CADM2: variants seen among roughly 807,000 people sequenced by gnomAD.
The protein encoded by CADM2 is cell adhesion molecule 2.
Under a neutral mutation model 49.8 loss-of-function variants are expected in CADM2, and 12 were observed. The ratio of observed to expected loss-of-function variants is 0.24; its 90% CI spans 0.15 to 0.39. CADM2 has a LOEUF of 0.39. CADM2 is among the 10% of genes least tolerant of loss of function. The probability of loss-of-function intolerance (pLI) is 1.00; values close to 1 mark genes in which losing one functional copy is unlikely to be tolerated. For missense variants in CADM2, 378 were observed against 492.3 expected, an observed-to-expected ratio of 0.77 and a Z score of 2.20; for synonymous variants, 214 against 175.4, an observed-to-expected ratio of 1.22 and a Z score of -1.74.
At chr3:85,285,824 A>G (rs981489764) in intron 1 of CADM2, among the ~76,000 whole-genome samples, 4 of 151,720 alleles carry the variant, frequency 2.6e-5, no homozygotes, top group African/African-American at 7.2e-5. Flanking sequence ...AGTATTAAAT[A>G]TTAAATATTT....
At chr3:85,136,072 A>G (rs2039407489) in intron 1 of CADM2, among the ~76,000 whole-genome samples, 1 of 152,040 alleles carries the variant, frequency 6.6e-6, no homozygotes, top group African/African-American at 2.4e-5. Context: ...TTTGGATAAC[A>G]GACTTCTAGA....
chr3:85,294,610 G>A (rs373589406), intron 1 of CADM2, among the ~76,000 whole-genome samples: 15,845 of 151,822 alleles, frequency 0.1, 965 homozygotes, highest in African/African-American at 0.17. Flanking sequence ...CAATGGAACA[G>A]AACAGAGCCC....
intron 1 of CADM2, among the ~76,000 whole-genome samples, chr3:85,123,135 C>T (rs2038921180): frequency 6.6e-6 from 1 of 152,016 alleles, no homozygotes; most frequent in African/African-American, 2.4e-5. Flanking sequence ...TTTTTCCTCC[C>T]ATGCTTTTTT....
intron 2 of CADM2, among the ~76,000 whole-genome samples, chr3:85,737,014 C>G (rs1385283110): frequency 1.3e-5 from 2 of 152,098 alleles, no homozygotes; most frequent in Non-Finnish European, 2.9e-5. Flanking sequence ...AATAAGTGCC[C>G]TTAAATATTT....
chr3:86,033,931 C>G (rs1373517457), intron 8 of CADM2, among the ~76,000 whole-genome samples: 2 of 150,984 alleles, frequency 1.3e-5, no homozygotes, highest in Non-Finnish European at 3.0e-5. Context: ...AAGATAAGCA[C>G]AAAATTTACC....
chr3:85,843,742 A>G (rs1364308976), intron 3 of CADM2, among the ~76,000 whole-genome samples: 1 of 152,168 alleles, frequency 6.6e-6, no homozygotes, highest in East Asian at 1.9e-4. Context: ...GTGCATTTGA[A>G]GATCACGTTA....
At chr3:85,151,583 A>G (rs2039923785) in intron 1 of CADM2, among the ~76,000 whole-genome samples, 1 of 152,184 alleles carries the variant, frequency 6.6e-6, no homozygotes. Flanking sequence ...ACCTTCAAAA[A>G]TCAACTTCTT....
chr3:85,531,664 A>G (rs1204189637), intron 1 of CADM2, among the ~76,000 whole-genome samples: 1 of 152,158 alleles, frequency 6.6e-6, no homozygotes, highest in Non-Finnish European at 1.5e-5. Flanking sequence ...TCCAATGATA[A>G]AAGTATCTAG....
chr3:86,065,546 T>A lies in CADM2; in HGVS notation c.971-59T>A, dbSNP rs1578104221. On this transcript the variant is annotated intron_variant, in intron 8 of 9. Transcript: ENST00000383699. ...TCAAAATAACTCATTCTAATGCAGT[T>A]ATGTATTCTGTGACTAAATAACACA... is the stretch of plus-strand genomic sequence containing the variant. 2.0e-5 allele frequency: 31 copies of A among 1,538,540 alleles called. No homozygotes were observed. The East Asian group carries it at 6.9e-4, about 34-fold the overall frequency.
At chr3:85,505,544 C>G (rs947305536) in intron 1 of CADM2, among the ~76,000 whole-genome samples, 4 of 152,154 alleles carry the variant, frequency 2.6e-5, no homozygotes, top group African/African-American at 9.7e-5. Context: ...AATTAAATCC[C>G]AAACACTTGG....
intron 1 of CADM2, among the ~76,000 whole-genome samples, chr3:84,982,899 C>A (rs542401571): frequency 1.3e-4 from 20 of 150,838 alleles, no homozygotes; most frequent in Admixed American, 1.3e-3. Context: ...GCGTCCGCCA[C>A]CATGCCCAGC....
intron 6 of CADM2, among the ~76,000 whole-genome samples, chr3:85,920,197 A>T (rs1202495289): frequency 6.6e-6 from 1 of 151,888 alleles, no homozygotes; most frequent in African/African-American, 2.4e-5. Flanking sequence ...GAGCATTCAA[A>T]ATAAAATATC....
chr3:85,241,703 ATATT>A (rs2042534163), intron 1 of CADM2, among the ~76,000 whole-genome samples: 1 of 151,542 alleles, frequency 6.6e-6, no homozygotes, highest in Non-Finnish European at 1.5e-5. Flanking sequence ...CTTTATTTGT[ATATT>A]TATTCATTCA....
intron 1 of CADM2, among the ~76,000 whole-genome samples, chr3:85,463,693 A>C (rs990867282): frequency 2.0e-5 from 3 of 152,168 alleles, no homozygotes; most frequent in African/African-American, 7.2e-5. Flanking sequence ...AGATATGTAA[A>C]CAATTTGCTT....
intron 1 of CADM2, among the ~76,000 whole-genome samples, chr3:85,552,761 C>G (rs966854877): frequency 1.6e-4 from 25 of 152,118 alleles, no homozygotes; most frequent in African/African-American, 5.8e-4. Context: ...ACTGCAACCT[C>G]TGCCTCCCGG....
At chr3:85,672,086 A>G (rs1426976293) in intron 1 of CADM2, among the ~76,000 whole-genome samples, 3 of 152,142 alleles carry the variant, frequency 2.0e-5, no homozygotes, top group Non-Finnish European at 4.4e-5. Flanking sequence ...ACATTAATGT[A>G]GGAAAATGTG....
At chr3:85,575,738 T>C (rs1390462692) in intron 1 of CADM2, among the ~76,000 whole-genome samples, 1 of 152,196 alleles carries the variant, frequency 6.6e-6, no homozygotes, top group Non-Finnish European at 1.5e-5. Context: ...TGCATGATAG[T>C]ATGATGTCAA....
chr3:85,433,387 C>G (rs1002168342), intron 1 of CADM2, among the ~76,000 whole-genome samples: 41 of 152,040 alleles, frequency 2.7e-4, no homozygotes, highest in African/African-American at 9.2e-4. Context: ...GTTCCTGTTT[C>G]AAATAGGCTG....
At chr3:85,921,448 A>G (rs1360484664) in intron 6 of CADM2, among the ~76,000 whole-genome samples, 2 of 151,944 alleles carry the variant, frequency 1.3e-5, no homozygotes, top group African/African-American at 4.8e-5. Context: ...TGTTATTGCT[A>G]TTTACCATCA....
Sources: allele counts gnomAD v4.1 joint callset (sites outside exome capture counted in the v4.1 genomes callset), GRCh38; gene constraint gnomAD v4.1.1; transcripts MANE v1.5; gene names NCBI Gene and HGNC (gene_info 2026-07-23, HGNC 2026-07-21).